The following PPARGC1A variants were observed in gnomAD, a reference collection of about 807,000 sequenced individuals.
The protein encoded by PPARGC1A is PPARG coactivator 1 alpha, also known as peroxisome proliferator-activated receptor gamma coactivator 1-alpha.
A neutral mutation model predicts 88.7 loss-of-function variants in PPARGC1A; 25 were observed. The ratio of observed to expected loss-of-function variants is 0.28; its 90% confidence interval spans 0.21 to 0.39. The LOEUF (loss-of-function observed/expected upper bound fraction) is 0.39, where lower values mean the gene tolerates loss of function less well. Ranked by LOEUF, PPARGC1A falls within the 10% of genes least tolerant of loss-of-function variation. The probability of loss-of-function intolerance (pLI) is 1.00; values close to 1 mark genes in which losing one functional copy is unlikely to be tolerated. For missense variants in PPARGC1A, 880 were observed against 968.7 expected (o/e 0.91, Z 1.22); for synonymous variants, 363 against 355.6 (o/e 1.02, Z -0.24).
intron 2 of PPARGC1A, among the ~76,000 whole-genome samples, chr4:23,860,696 A>G (rs1429589340): frequency 6.6e-6 from 1 of 152,206 alleles, no homozygotes; most frequent in Non-Finnish European, 1.5e-5. Flanking sequence ...TCCTTCAAAA[A>G]ATAAATACCT....
chr4:24,436,673 G>C, the PPARGC1A span, among the ~76,000 whole-genome samples: 1 of 143,596 alleles, frequency 7.0e-6, no homozygotes, highest in Admixed American at 6.9e-5. Flanking sequence ...AGGTCACAGA[G>C]CTGACATCGA....
At chr4:24,285,609 G>A in the PPARGC1A span, among the ~76,000 whole-genome samples, 4 of 152,128 alleles carry the variant, frequency 2.6e-5, no homozygotes, top group Non-Finnish European at 5.9e-5. Flanking sequence ...AGCTAATAAG[G>A]AACAGAGATG....
chr4:24,467,380 G>A, the PPARGC1A span, among the ~76,000 whole-genome samples: 4 of 152,136 alleles, frequency 2.6e-5, no homozygotes, highest in Non-Finnish European at 2.9e-5. Flanking sequence ...TACATCTTCA[G>A]GGAAATAAAA....
Position 23,795,721 on chromosome 4 carries a change from A to G in PPARGC1A, c.*101T>C, listed in dbSNP as rs933891658. On this transcript the variant is annotated 3_prime_UTR_variant, in exon 13 of 13. Coordinates refer to ENST00000264867, the MANE Select transcript of PPARGC1A (RefSeq NM_013261.5). The stretch of plus-strand genomic sequence containing the variant: ...TGTTTTTGTACAGAGAGTGTAAAGT[A>G]GGAGAAATTCCTAAGTATGACTTGC... 4 of 832,564 alleles carry G rather than the reference A, an allele frequency of 4.8e-6. No homozygotes were observed. The highest frequency in any genetic ancestry group is 1.7e-5 in the South Asian group (1 of 58,782). The allele number at this position is 832,564 out of a possible 1,614,324, so 51.6% of individuals were successfully genotyped here. A position where few individuals can be genotyped will look rare whatever the true frequency, so the allele number is the denominator to read the frequency against.
At chr4:24,040,525 G>T in the PPARGC1A span, among the ~76,000 whole-genome samples, 1 of 152,116 alleles carries the variant, frequency 6.6e-6, no homozygotes, top group Non-Finnish European at 1.5e-5. Flanking sequence ...CAAGCTCTTT[G>T]GTTCTATTGG....
upstream of PPARGC1A, chr4:23,904,132 G>T: frequency 1.3e-6 from 1 of 791,768 alleles, no homozygotes; most frequent in South Asian, 5.7e-5. Context: ...ACAAGGGCAT[G>T]GTGACGTGGG....
At chr4:24,080,178 G>A in the PPARGC1A span, among the ~76,000 whole-genome samples, 1 of 151,870 alleles carries the variant, frequency 6.6e-6, no homozygotes, top group Non-Finnish European at 1.5e-5. Flanking sequence ...TCCTTTTTAG[G>A]AAGATGACAC....
the PPARGC1A span, among the ~76,000 whole-genome samples, chr4:23,974,403 C>T: frequency 6.6e-6 from 1 of 152,126 alleles, no homozygotes; most frequent in Non-Finnish European, 1.5e-5. Flanking sequence ...GCTTAATTCT[C>T]ACAGTGACCT....
the PPARGC1A span, among the ~76,000 whole-genome samples, chr4:23,923,307 G>T: frequency 6.6e-6 from 1 of 151,994 alleles, no homozygotes; most frequent in African/African-American, 2.4e-5. Context: ...CAGAAACGTG[G>T]TTGTATGCTT....
chr4:24,230,501 G>A, the PPARGC1A span, among the ~76,000 whole-genome samples: 1 of 152,108 alleles, frequency 6.6e-6, no homozygotes, highest in Non-Finnish European at 1.5e-5. Context: ...TTCCTGATGG[G>A]GCAGTGAACA....
chr4:24,384,189 A>G, the PPARGC1A span, among the ~76,000 whole-genome samples: 1 of 152,196 alleles, frequency 6.6e-6, no homozygotes, highest in Non-Finnish European at 1.5e-5. Context: ...ATGCTGAGAG[A>G]TTTTGTCACC....
At chr4:24,111,257 C>A in the PPARGC1A span, among the ~76,000 whole-genome samples, 1 of 151,926 alleles carries the variant, frequency 6.6e-6, no homozygotes, top group South Asian at 2.1e-4. Flanking sequence ...ATATTGACTT[C>A]ATTATTTGAA....
chr4:24,454,403 C>G, the PPARGC1A span, among the ~76,000 whole-genome samples: 1 of 151,658 alleles, frequency 6.6e-6, no homozygotes, highest in East Asian at 1.9e-4. Flanking sequence ...TTCCTTTTGC[C>G]TGGATAAGAA....
the PPARGC1A span, among the ~76,000 whole-genome samples, chr4:24,023,997 C>A: frequency 6.6e-6 from 1 of 152,146 alleles, no homozygotes; most frequent in Non-Finnish European, 1.5e-5. Flanking sequence ...CCTGGGCTGT[C>A]CATACTGCAA....
the PPARGC1A span, among the ~76,000 whole-genome samples, chr4:24,120,757 C>T: frequency 4.6e-5 from 7 of 152,156 alleles, no homozygotes; most frequent in East Asian, 1.9e-4. Context: ...TTCCCCTTTC[C>T]ACCACGTGAG....
the PPARGC1A span, among the ~76,000 whole-genome samples, chr4:24,063,730 G>C: frequency 6.6e-6 from 1 of 152,114 alleles, no homozygotes; most frequent in African/African-American, 2.4e-5. Flanking sequence ...GGCAGATGCT[G>C]TTCGAGCTTC....
At chr4:24,045,818 A>G in the PPARGC1A span, among the ~76,000 whole-genome samples, 1 of 152,198 alleles carries the variant, frequency 6.6e-6, no homozygotes, top group African/African-American at 2.4e-5. Context: ...TAATAAATAC[A>G]TTAGGCCTTT....
chr4:24,150,475 G>A, the PPARGC1A span, among the ~76,000 whole-genome samples: 1 of 152,122 alleles, frequency 6.6e-6, no homozygotes, highest in Non-Finnish European at 1.5e-5. Flanking sequence ...CATCAACATA[G>A]ATTAAACCTT....
At chr4:23,864,893 G>A (rs1377567298) in intron 2 of PPARGC1A, among the ~76,000 whole-genome samples, 1 of 152,166 alleles carries the variant, frequency 6.6e-6, no homozygotes, top group Non-Finnish European at 1.5e-5. Flanking sequence ...GCAAAAAAGA[G>A]GCACCACTGG....
Sources: gnomAD v4.1 joint callset for allele counts (sites outside exome capture counted in the v4.1 genomes callset) on GRCh38, gnomAD v4.1.1 for gene constraint, MANE v1.5 for transcripts, NCBI Gene and HGNC (gene_info 2026-07-23, HGNC 2026-07-21) for gene names.